Variants in NRG1 observed in about 807,000 individuals in gnomAD.
NRG1 encodes the protein pro-neuregulin-1, membrane-bound isoform.
Under a neutral mutation model 63.8 loss-of-function variants are expected in NRG1, and 18 were observed. The observed-to-expected ratio is 0.28, with a 90% confidence interval of 0.19 to 0.42. The LOEUF (loss-of-function observed/expected upper bound fraction) is 0.42, where lower values mean the gene tolerates loss of function less well. Ranked by LOEUF, NRG1 falls within the 10% of genes least tolerant of loss-of-function variation. The pLI is 1.00. For missense variants in NRG1, 762 were observed against 814.7 expected, an observed-to-expected ratio of 0.94 and a Z score of 0.79; for synonymous variants, 302 against 301.3, an observed-to-expected ratio of 1.00 and a Z score of -0.02.
chr8:32,747,844 C>G (rs1301430935), intron 7 of NRG1, among the ~76,000 whole-genome samples: 1 of 151,224 alleles, frequency 6.6e-6, no homozygotes, highest in East Asian at 2.0e-4. Context: ...CAGAGTTTTT[C>G]TGGCTAGTTA....
intron 1 of NRG1, among the ~76,000 whole-genome samples, chr8:32,592,953 A>G (rs538200519): frequency 6.6e-6 from 1 of 152,304 alleles, no homozygotes; most frequent in Admixed American, 6.5e-5. Context: ...AATATTTTTA[A>G]CTTATATGTA....
chr8:32,759,555 ATTTTGAAAATCAACTGGCTTTGCCC>A, intron 10 of NRG1, 119 bp downstream of exon 10: 2 of 1,246,638 alleles, frequency 1.6e-6, no homozygotes, highest in Non-Finnish European at 2.2e-6. Flanking sequence ...GCAGCAACAG[ATTTTGAAAATCAACTGGCTTTGCCC>A]TTAATTCCTG....
At chr8:32,148,049 G>GT (rs1404777327) in intron 1 of NRG1, among the ~76,000 whole-genome samples, 1 of 151,978 alleles carries the variant, frequency 6.6e-6, no homozygotes, top group African/African-American at 2.4e-5. Flanking sequence ...GAAAACAAAG[G>GT]TTTTTTTGTT....
intron 1 of NRG1, among the ~76,000 whole-genome samples, chr8:31,751,468 CAG>C (rs1184573790): frequency 1.3e-5 from 2 of 151,810 alleles, no homozygotes; most frequent in African/African-American, 2.4e-5. Flanking sequence ...GGCTGAAGGA[CAG>C]AGAGTGTGGG....
At chr8:32,563,571 A>G (rs2129527371) in intron 1 of NRG1, among the ~76,000 whole-genome samples, 1 of 152,346 alleles carries the variant, frequency 6.6e-6, no homozygotes, top group Admixed American at 6.5e-5. Context: ...GTCGTCTCTC[A>G]TGAGTATGTG....
At chr8:31,699,502 A>T (rs1810416146) in intron 1 of NRG1, among the ~76,000 whole-genome samples, 1 of 152,146 alleles carries the variant, frequency 6.6e-6, no homozygotes, top group Non-Finnish European at 1.5e-5. Flanking sequence ...ACTTTGATGA[A>T]GTACTCTGAT....
intron 1 of NRG1, among the ~76,000 whole-genome samples, chr8:32,194,440 T>C (rs1215536005): frequency 6.6e-6 from 1 of 152,180 alleles, no homozygotes; most frequent in Non-Finnish European, 1.5e-5. Flanking sequence ...ATCATGATGA[T>C]TCAGCTCTCA....
At chr8:32,459,448 C>T (rs190864097) in intron 1 of NRG1, among the ~76,000 whole-genome samples, 1 of 151,494 alleles carries the variant, frequency 6.6e-6, no homozygotes, top group Non-Finnish European at 1.5e-5. Flanking sequence ...CTAACAAATT[C>T]TCCTTAAAAC....
intron 1 of NRG1, among the ~76,000 whole-genome samples, chr8:32,323,142 AT>A (rs1457837379): frequency 6.6e-6 from 1 of 152,120 alleles, no homozygotes; most frequent in Non-Finnish European, 1.5e-5. Flanking sequence ...GTCACCTCTG[AT>A]TCCTATGTAA....
At chr8:32,673,902 C>G (rs889851765) in intron 5 of NRG1, among the ~76,000 whole-genome samples, 1 of 152,172 alleles carries the variant, frequency 6.6e-6, no homozygotes, top group Non-Finnish European at 1.5e-5. Flanking sequence ...ATTTAAGGTT[C>G]TTCATGTGGC....
intron 1 of NRG1, among the ~76,000 whole-genome samples, chr8:32,229,837 A>G (rs940726653): frequency 6.6e-6 from 1 of 151,540 alleles, no homozygotes; most frequent in African/African-American, 2.4e-5. Context: ...TTCTCTAGAC[A>G]CATTTTTTCA....
At chr8:31,826,298 G>C (rs1586666975) in intron 1 of NRG1, among the ~76,000 whole-genome samples, 1 of 152,148 alleles carries the variant, frequency 6.6e-6, no homozygotes, top group East Asian at 1.9e-4. Flanking sequence ...TTGAACTGTA[G>C]CTCCCGTAAT....
At chr8:31,857,909 A>G (rs891407528) in intron 1 of NRG1, among the ~76,000 whole-genome samples, 1 of 152,182 alleles carries the variant, frequency 6.6e-6, no homozygotes, top group African/African-American at 2.4e-5. Flanking sequence ...AGTTTTGCAA[A>G]GGAGATGAGA....
intron 1 of NRG1, among the ~76,000 whole-genome samples, chr8:31,847,801 C>T (rs994787111): frequency 1.1e-4 from 17 of 152,222 alleles, no homozygotes; most frequent in Admixed American, 1.1e-3. Context: ...TAAGCTCATA[C>T]TGTCCTTTCA....
At chr8:32,755,326 C>T (rs1019991068) in intron 8 of NRG1, among the ~76,000 whole-genome samples, 8 of 152,114 alleles carry the variant, frequency 5.3e-5, no homozygotes, top group South Asian at 4.1e-4. Context: ...TGTTGCTGCA[C>T]GATACTCTGT....
intron 1 of NRG1, among the ~76,000 whole-genome samples, chr8:32,412,450 AT>A: frequency 1.0e-5 from 1 of 98,928 alleles, no homozygotes; most frequent in African/African-American, 3.9e-5. Flanking sequence ...ATATATATAT[AT>A]ACATATATAT....
chr8:32,219,015 T>C (rs1055612414), intron 1 of NRG1, among the ~76,000 whole-genome samples: 54 of 152,224 alleles, frequency 3.5e-4, no homozygotes, highest in Non-Finnish European at 1.3e-4. Context: ...ACATTACTTA[T>C]GAAATATTTG....
intron 1 of NRG1, among the ~76,000 whole-genome samples, chr8:31,803,510 T>C (rs1006612644): frequency 1.3e-5 from 2 of 152,194 alleles, no homozygotes; most frequent in Non-Finnish European, 2.9e-5. Context: ...GTGGACCATA[T>C]TGAATTTGCT....
intron 1 of NRG1, among the ~76,000 whole-genome samples, chr8:31,715,390 A>G (rs1237040800): frequency 6.6e-6 from 1 of 152,184 alleles, no homozygotes; most frequent in African/African-American, 2.4e-5. Context: ...AAGTCTAGCT[A>G]TTCAATTCAG....
Sources: gnomAD v4.1 joint callset for allele counts (sites outside exome capture counted in the v4.1 genomes callset) on GRCh38, gnomAD v4.1.1 for gene constraint, MANE v1.5 for transcripts, NCBI Gene and HGNC (gene_info 2026-07-23, HGNC 2026-07-21) for gene names.